AGBL4: variants seen among roughly 807,000 people sequenced by gnomAD.
AGBL4 encodes the protein cytosolic carboxypeptidase 6.
Under a neutral mutation model 66.4 loss-of-function variants are expected in AGBL4, and 58 were observed. The observed-to-expected ratio is 0.87, with a 90% CI of 0.71 to 1.09. AGBL4 has a LOEUF of 1.09. Among genes scored for constraint, AGBL4 ranks in the 50% least tolerant of loss-of-function variants. AGBL4 has a pLI of 0.00. For synonymous variants in AGBL4, 234 were observed against 222.9 expected (o/e 1.05, Z -0.44); for missense variants, 579 against 631.0 (o/e 0.92, Z 0.88).
chr1:49,197,174 A>C (rs1416597550), intron 4 of AGBL4, among the ~76,000 whole-genome samples: 1 of 152,108 alleles, frequency 6.6e-6, no homozygotes, highest in Non-Finnish European at 1.5e-5. Context: ...TGTGTTGTAC[A>C]TTCAGTGGCA....
intron 3 of AGBL4, among the ~76,000 whole-genome samples, chr1:49,408,042 T>C (rs1645241177): frequency 6.6e-6 from 1 of 152,158 alleles, no homozygotes; most frequent in African/African-American, 2.4e-5. Flanking sequence ...TTTAGACAAC[T>C]GACTTATTTT....
intron 6 of AGBL4, among the ~76,000 whole-genome samples, chr1:48,677,623 A>C (rs1283711154): frequency 1.3e-5 from 2 of 152,234 alleles, no homozygotes; most frequent in South Asian, 4.1e-4. Flanking sequence ...GCCCCAGTCC[A>C]CATGATGAGC....
chr1:49,840,767 A>G (rs1019127094), intron 2 of AGBL4, among the ~76,000 whole-genome samples: 1 of 152,238 alleles, frequency 6.6e-6, no homozygotes, highest in Admixed American at 6.5e-5. Flanking sequence ...ATCTCAATAG[A>G]GAAAGAAAAA....
At chr1:49,278,725 A>G (rs1024671649) in intron 3 of AGBL4, among the ~76,000 whole-genome samples, 1 of 152,142 alleles carries the variant, frequency 6.6e-6, no homozygotes, top group Non-Finnish European at 1.5e-5. Context: ...CCAAGATAAG[A>G]GCCAAGAGTC....
chr1:50,003,044 A>ATGAGTAGAAT (rs1415818963), intron 1 of AGBL4, among the ~76,000 whole-genome samples: 2 of 152,202 alleles, frequency 1.3e-5, no homozygotes, highest in Non-Finnish European at 2.9e-5. Flanking sequence ...CTACTCACCA[A>ATGAGTAGAAT]GTCCAATGAG....
intron 1 of AGBL4, among the ~76,000 whole-genome samples, chr1:49,992,973 C>G (rs1660078649): frequency 1.3e-5 from 2 of 152,154 alleles, no homozygotes; most frequent in Non-Finnish European, 1.5e-5. Context: ...GGAGAAACAG[C>G]CCCATGTTAG....
intron 5 of AGBL4, among the ~76,000 whole-genome samples, chr1:48,883,174 T>C (rs1399739579): frequency 6.6e-6 from 1 of 152,224 alleles, no homozygotes; most frequent in Admixed American, 6.5e-5. Flanking sequence ...TATTTTTAAT[T>C]TTTTGAGAAA....
intron 7 of AGBL4, among the ~76,000 whole-genome samples, chr1:48,653,881 G>C (rs1645974142): frequency 6.6e-6 from 1 of 152,104 alleles, no homozygotes; most frequent in African/African-American, 2.4e-5. Flanking sequence ...ATAATCACAG[G>C]GTCAAGGCCT....
chr1:49,297,112 G>A (rs2148437188), intron 3 of AGBL4, among the ~76,000 whole-genome samples: 1 of 152,240 alleles, frequency 6.6e-6, no homozygotes, highest in South Asian at 2.1e-4. Context: ...TTCATCTTCT[G>A]GCTTTTCTCA....
At chr1:49,804,817 GC>G (rs1644940389) in intron 2 of AGBL4, among the ~76,000 whole-genome samples, 1 of 152,132 alleles carries the variant, frequency 6.6e-6, no homozygotes, top group African/African-American at 2.4e-5. Flanking sequence ...ATTTAAATTT[GC>G]TTTCCTGGTG....
chr1:49,587,272 AAAAAG>A (rs370323255), intron 3 of AGBL4, among the ~76,000 whole-genome samples: 24 of 152,024 alleles, frequency 1.6e-4, no homozygotes, highest in African/African-American at 3.4e-4. Flanking sequence ...AAAGAAAAGA[AAAAAG>A]AAAAGAAAAG....
At chr1:49,400,967 A>C (rs1185346724) in intron 3 of AGBL4, among the ~76,000 whole-genome samples, 2 of 152,006 alleles carry the variant, frequency 1.3e-5, no homozygotes, top group Non-Finnish European at 2.9e-5. Flanking sequence ...GGGTTTTACT[A>C]TGTTGATGTA....
intron 2 of AGBL4, among the ~76,000 whole-genome samples, chr1:49,795,996 A>G (rs532901775): frequency 2.0e-5 from 3 of 152,138 alleles, no homozygotes; most frequent in African/African-American, 7.2e-5. Context: ...AAATTAAAAT[A>G]TATCAAGCTA....
intron 3 of AGBL4, among the ~76,000 whole-genome samples, chr1:49,659,213 T>G (rs1646218917): frequency 6.6e-6 from 1 of 151,934 alleles, no homozygotes; most frequent in African/African-American, 2.4e-5. Context: ...AAAAACACAT[T>G]GAAGTACACA....
intron 3 of AGBL4, among the ~76,000 whole-genome samples, chr1:49,347,252 C>CTTT (rs35313917): frequency 9.5e-5 from 11 of 115,814 alleles, no homozygotes; most frequent in Non-Finnish European, 1.3e-4. Flanking sequence ...TTCTTTCTTT[C>CTTT]TTTTTTTTTT....
At chr1:49,819,480 A>G (rs1645312697) in intron 2 of AGBL4, among the ~76,000 whole-genome samples, 1 of 152,246 alleles carries the variant, frequency 6.6e-6, no homozygotes, top group African/African-American at 2.4e-5. Context: ...ATGAGATCAC[A>G]CATTCAGAGA....
At chr1:49,127,242 G>A (rs1645783946) in intron 4 of AGBL4, among the ~76,000 whole-genome samples, 1 of 152,138 alleles carries the variant, frequency 6.6e-6, no homozygotes, top group Non-Finnish European at 1.5e-5. Flanking sequence ...ATAGCTTGAT[G>A]GTGGTTTTAA....
intron 3 of AGBL4, among the ~76,000 whole-genome samples, chr1:49,552,314 C>T (rs561050183): frequency 8.5e-5 from 13 of 152,284 alleles, no homozygotes; most frequent in South Asian, 4.1e-4. Context: ...AGGTTCTGGC[C>T]GGGAGGATTC....
chr1:49,945,037 T>G (rs377576764), intron 1 of AGBL4, among the ~76,000 whole-genome samples: 1 of 151,952 alleles, frequency 6.6e-6, no homozygotes, highest in South Asian at 2.1e-4. Context: ...TAAGAAAATA[T>G]GAACAAAGCC....
Sources: allele counts gnomAD v4.1 joint callset (sites outside exome capture counted in the v4.1 genomes callset), GRCh38; gene constraint gnomAD v4.1.1; transcripts MANE v1.5; gene names NCBI Gene and HGNC (gene_info 2026-07-23, HGNC 2026-07-21).